The following SIGLECL1 variants were observed in gnomAD, a reference collection of about 807,000 sequenced individuals.
SIGLECL1 encodes the protein SIGLEC family like 1.
SIGLECL1 carries 16 observed loss-of-function variants against 19.1 expected under a neutral mutation model. The ratio of observed to expected loss-of-function variants is 0.84; its 90% CI spans 0.57 to 1.27. The LOEUF (loss-of-function observed/expected upper bound fraction) is 1.27, where lower values mean the gene tolerates loss of function less well. Ranked by LOEUF, SIGLECL1 falls within the 50% of genes most tolerant of loss-of-function variation. The pLI, the probability that SIGLECL1 is intolerant of heterozygous loss-of-function variation, is 0.00. For synonymous variants in SIGLECL1, 89 were observed against 90.4 expected (o/e 0.98, Z 0.09); for missense variants, 210 against 239.4 (o/e 0.88, Z 0.81).
Position 51,267,519 on chromosome 19 carries a change from G to A in SIGLECL1, c.557G>A (p.Ser186Asn), listed in dbSNP as rs145357573. Residue 186 changes from serine (S) to asparagine (N), a missense_variant, in exon 5 of 6, where the codon AGC (serine) becomes AAC (asparagine). By Grantham distance (46) the Ser-to-Asn change is conservative. Transcript: ENST00000601727. ...CCCGTAGTCGCCACATTTTCTGAGA[G>A]CCGGATATTGGTATGTACCTATTGT... ...GKPVVATFSE[S>N]RILEKQDKRA... 612 of 1,614,108 alleles carry A rather than the reference G, an allele frequency of 3.8e-4. 1 individual carries two copies. In the African/African-American group the frequency reaches 7.0e-3, roughly 18 times the overall value.
intron 2 of SIGLECL1, 61 bp downstream of exon 2, chr19:51,264,155 G>A: frequency 1.2e-6 from 2 of 1,606,042 alleles, no homozygotes; most frequent in East Asian, 2.2e-5. Context: ...CAGGGCCTGG[G>A]TGTTGGCAGG....
intron 1 of SIGLECL1, among the ~76,000 whole-genome samples, 193 bp from the exon 2 acceptor site, chr19:51,263,690 G>A (rs1262307549): frequency 1.3e-5 from 2 of 152,086 alleles, no homozygotes; most frequent in African/African-American, 2.4e-5. Context: ...CATGGGAGAT[G>A]GAGATTGCAG....
chr19:51,247,523 A>G (rs1455863003), upstream of SIGLECL1, among the ~76,000 whole-genome samples: 1 of 151,926 alleles, frequency 6.6e-6, no homozygotes, highest in African/African-American at 2.4e-5. Context: ...GGTTCAAGCA[A>G]TTCTCCTGTC....
intron 1 of SIGLECL1, among the ~76,000 whole-genome samples, chr19:51,255,576 C>CA (rs1982751413): frequency 6.6e-6 from 1 of 152,034 alleles, no homozygotes. Flanking sequence ...ATAAGGAACT[C>CA]AAACAACTCA....
At chr19:51,249,552 AG>A (rs1478823966), upstream of SIGLECL1, among the ~76,000 whole-genome samples, 7 of 152,262 alleles carry the variant, frequency 4.6e-5, no homozygotes, top group Non-Finnish European at 4.4e-5. Flanking sequence ...CAGCAGTGGA[AG>A]GGGAACTGCT....
At chr19:51,259,577 A>T (rs1983060302) in intron 1 of SIGLECL1, among the ~76,000 whole-genome samples, 1 of 152,234 alleles carries the variant, frequency 6.6e-6, no homozygotes, top group South Asian at 2.1e-4. Context: ...TGGGGCCAGA[A>T]AATTTCCAAT....
At chr19:51,268,546 G>A (rs778802300) in intron 5 of SIGLECL1, 25 bp from the exon 6 acceptor site, 1 of 1,613,434 alleles carries the variant, frequency 6.2e-7, no homozygotes, top group Non-Finnish European at 8.5e-7. Flanking sequence ...TTTTTTCTTT[G>A]TTCTATTTTG....
At chr19:51,260,968 C>A (rs986001383) in intron 1 of SIGLECL1, among the ~76,000 whole-genome samples, 7 of 152,066 alleles carry the variant, frequency 4.6e-5, no homozygotes, top group African/African-American at 1.7e-4. Context: ...TTTATATATT[C>A]CAATAGTCTG....
chr19:51,259,763 T>C (rs1028979505), intron 1 of SIGLECL1, among the ~76,000 whole-genome samples: 14 of 152,228 alleles, frequency 9.2e-5, no homozygotes, highest in African/African-American at 3.4e-4. Flanking sequence ...TACAGGAACA[T>C]GCTACCAGGG....
upstream of SIGLECL1, among the ~76,000 whole-genome samples, chr19:51,249,463 T>TA (rs35477667): frequency 0.14 from 20,592 of 145,354 alleles, 2,040 homozygotes; most frequent in Admixed American, 0.32. Context: ...TCTGTCACAT[T>TA]AAAAAAAAAA....
At position 51,268,001 on chromosome 19, in the gene SIGLECL1, G is replaced by A. The variant is rs561643670; in HGVS notation, c.567+472G>A. Among the ~76,000 whole-genome samples the A allele has an allele frequency of 3.3e-5, 5 of 152,240 alleles. No individual in the cohort carries two copies. In the East Asian group the frequency reaches 9.7e-4, roughly 29 times the overall value. ...GCAGGGCTTGGAAGATACAGTGTCC[G>A]AGGTTGCTATGCCTCACTGTTATTT... On this transcript the variant is annotated intron_variant, in intron 5 of 5. Transcript: ENST00000601727.
upstream of SIGLECL1, among the ~76,000 whole-genome samples, chr19:51,249,488 T>C (rs1160840108): frequency 6.6e-6 from 1 of 151,142 alleles, no homozygotes; most frequent in Non-Finnish European, 1.5e-5. Flanking sequence ...TGCACATAAA[T>C]AAGGCAAGAT....
At chr19:51,246,366 G>A (rs922115026), upstream of SIGLECL1, 2 of 152,212 alleles carry the variant, frequency 1.3e-5, no homozygotes, top group Non-Finnish European at 2.9e-5. Context: ...TGCTTCGAAA[G>A]GGATCCATGG....
chr19:51,265,400 T>A lies in SIGLECL1; in HGVS notation c.55T>A (p.Leu19Met), dbSNP rs539276316. Residue 19 changes from leucine to methionine, a missense_variant, in exon 3 of 6, where the codon TTG (leucine) becomes ATG (methionine). Leu to Met is a conservative substitution (Grantham distance 15, BLOSUM62 2). Coordinates refer to ENST00000601727, the MANE Select transcript of SIGLECL1 (RefSeq NM_001385465.1). ...TAAGCTGCTCAACTCCTCTTGCTCC[T>A]TGGAGAAGACACTGCAGTGCAGCTG... The part of the protein sequence containing the change: ...PAKLLNSSCS[L>M]EKTLQCSCSF... The A allele has an allele frequency of 4.6e-5, 74 of 1,613,692 alleles. No homozygotes were observed. In the South Asian group the frequency reaches 7.5e-4, roughly 16 times the overall value.
At chr19:51,261,489 C>T (rs1304230145) in intron 1 of SIGLECL1, among the ~76,000 whole-genome samples, 2 of 152,070 alleles carry the variant, frequency 1.3e-5, no homozygotes, top group East Asian at 1.9e-4. Flanking sequence ...GGGGTTTCAC[C>T]GTGTTAGCCA....
chr19:51,252,280 C>T (rs896971567), intron 1 of SIGLECL1, among the ~76,000 whole-genome samples: 1 of 145,958 alleles, frequency 6.9e-6, no homozygotes, highest in Admixed American at 7.1e-5. Context: ...CTGGGCAACA[C>T]AGCGAGACTC....
intron 1 of SIGLECL1, among the ~76,000 whole-genome samples, chr19:51,256,198 T>C (rs1487252408): frequency 6.6e-6 from 1 of 152,170 alleles, no homozygotes. Context: ...TGTGTGGAGT[T>C]TGCATGTTCT....
chr19:51,267,498 T>G lies in SIGLECL1; in HGVS notation c.536T>G (p.Val179Gly). The G allele has an allele frequency of 6.2e-7, 1 of 1,614,218 alleles. No individual in the cohort carries two copies. The highest frequency in any genetic ancestry group is 8.5e-7 in the Non-Finnish European group (1 of 1,180,030). Residue 179 changes from valine (V) to glycine (G), a missense_variant, in exon 5 of 6, where the codon GTA becomes GGA. Coordinates refer to ENST00000601727, the MANE Select transcript of SIGLECL1 (RefSeq NM_001385465.1). ...SLKPEEPGKP[V>G]VATFSESRIL... ...AAGCCTGAGGAACCAGGAAAACCCG[T>G]AGTCGCCACATTTTCTGAGAGCCGG... is the stretch of plus-strand genomic sequence containing the variant.
At chr19:51,264,398 T>G in intron 2 of SIGLECL1, 1 of 312,032 alleles carries the variant, frequency 3.2e-6, no homozygotes, top group Non-Finnish European at 6.0e-6. Context: ...AGTTTTTCAG[T>G]GTTTCTGTGG....
Sources: gnomAD v4.1 joint callset for allele counts (sites outside exome capture counted in the v4.1 genomes callset) on GRCh38, gnomAD v4.1.1 for gene constraint, MANE v1.5 for transcripts, NCBI Gene and HGNC (gene_info 2026-07-23, HGNC 2026-07-21) for gene names.